GOLGA5: variants seen among roughly 807,000 people sequenced by gnomAD.
GOLGA5 encodes golgin A5.
A neutral mutation model predicts 93.5 loss-of-function variants in GOLGA5; 50 were observed. The ratio of observed to expected loss-of-function variants is 0.53; its 90% CI spans 0.43 to 0.68. GOLGA5 has a LOEUF of 0.68. Among genes scored for constraint, GOLGA5 ranks in the 30% least tolerant of loss-of-function variants. The probability of loss-of-function intolerance (pLI) is 0.00; values close to 1 mark genes in which losing one functional copy is unlikely to be tolerated. For missense variants in GOLGA5, 760 were observed against 856.4 expected (o/e 0.89, Z 1.40); for synonymous variants, 312 against 304.5 (o/e 1.02, Z -0.26).
chr14:92,798,407 TC>T (rs1482798639), intron 2 of GOLGA5, among the ~76,000 whole-genome samples: 2 of 152,028 alleles, frequency 1.3e-5, no homozygotes, highest in Non-Finnish European at 1.5e-5. Context: ...TGTGTGTTTT[TC>T]CCCCCACATC....
At chr14:92,801,575 C>G (rs1188563451) in intron 2 of GOLGA5, among the ~76,000 whole-genome samples, 2 of 152,004 alleles carry the variant, frequency 1.3e-5, no homozygotes, top group African/African-American at 4.8e-5. Context: ...TTTTCCCCTC[C>G]CCTCTGTCTA....
chr14:92,816,074 A>G (rs1167312918), intron 6 of GOLGA5, among the ~76,000 whole-genome samples, 177 bp from the exon 7 acceptor site: 1 of 152,214 alleles, frequency 6.6e-6, no homozygotes, highest in East Asian at 1.9e-4. Context: ...GTCCAAGGAC[A>G]TTATACAGCA....
chr14:92,816,413 G>A lies in GOLGA5; in HGVS notation c.1483G>A (p.Glu495Lys), dbSNP rs574595272. ...LMGQIHQLRSELQDMEAQQVN... is the reference protein window; with the variant it reads ...LMGQIHQLRSKLQDMEAQQVN... Reference sequence around the variant, plus strand: ...GGGCCAGATACATCAGCTCAGATCCGAATTACAGGTAAGATTCATGGTGGT... The same window carrying A: ...GGGCCAGATACATCAGCTCAGATCCAAATTACAGGTAAGATTCATGGTGGT... The change falls in exon 7 of 13, where the codon GAA (glutamate) becomes AAA (lysine). Residue 495 changes from glutamate (E) to lysine (K), a missense_variant. Physicochemically the swap from Glu to Lys is moderately conservative, Grantham distance 56 (BLOSUM62 1). Transcript: ENST00000163416. 1.6e-5 allele frequency: 26 copies of A among 1,613,502 alleles called. No individual in the cohort carries two copies. Among genetic ancestry groups the A allele is most frequent in the South Asian group, 3.3e-5 (3 of 91,028 alleles).
chr14:92,800,199 A>G (rs981531992), intron 2 of GOLGA5, among the ~76,000 whole-genome samples: 8 of 152,368 alleles, frequency 5.3e-5, no homozygotes, highest in Non-Finnish European at 8.8e-5. Flanking sequence ...ACATGTAAAC[A>G]GATAATTTAC....
At chr14:92,830,512 C>G (rs113335825) in intron 9 of GOLGA5, among the ~76,000 whole-genome samples, 77 of 152,056 alleles carry the variant, frequency 5.1e-4, no homozygotes, top group African/African-American at 1.8e-3. Flanking sequence ...GATTAGACAT[C>G]CCTGATTTAA....
intron 6 of GOLGA5, among the ~76,000 whole-genome samples, chr14:92,813,096 T>C (rs962821251): frequency 7.2e-5 from 11 of 152,234 alleles, no homozygotes; most frequent in Non-Finnish European, 1.6e-4. Flanking sequence ...ACCTTTTTTC[T>C]TTAGTCTCAA....
chr14:92,828,674 ATTT>A (rs1885468090), intron 9 of GOLGA5, among the ~76,000 whole-genome samples: 1 of 152,060 alleles, frequency 6.6e-6, no homozygotes, highest in Non-Finnish European at 1.5e-5. Context: ...TAATTTATTT[ATTT>A]TTATTTTTTG....
Position 92,811,516 on chromosome 14 carries a change from G to T in GOLGA5, c.1117-35G>T, listed in dbSNP as rs370258336. 7.8e-6 allele frequency: 10 copies of T among 1,278,238 alleles called. No individual in the cohort carries two copies. In the African/African-American group the frequency reaches 1.2e-4, roughly 15 times the overall value. 79.2% of individuals were successfully genotyped at this position (1,278,238 alleles called of 1,614,324 possible). On this transcript the variant is annotated intron_variant, in intron 5 of 12. Coordinates refer to ENST00000163416, the MANE Select transcript of GOLGA5 (RefSeq NM_005113.4). ...TGTAAAATATGTTTCAAAGCTAAATGATATCATTAATTATGATATAAAAAT... is the reference window on the plus strand; with the variant it reads ...TGTAAAATATGTTTCAAAGCTAAATTATATCATTAATTATGATATAAAAAT...
chr14:92,815,548 C>T (rs117234965), intron 6 of GOLGA5, among the ~76,000 whole-genome samples: 6,803 of 152,080 alleles, frequency 0.045, 216 homozygotes, highest in Non-Finnish European at 0.064. Context: ...TGAGAAAAGT[C>T]TTGTTTGGCC....
At chr14:92,798,066 G>A in intron 2 of GOLGA5, 85 bp downstream of exon 2, 1 of 903,850 alleles carries the variant, frequency 1.1e-6, no homozygotes, top group Non-Finnish European at 1.7e-6. Context: ...CTCATCTACT[G>A]TTATGGAATC....
At chr14:92,816,994 G>A (rs1885224069) in intron 7 of GOLGA5, among the ~76,000 whole-genome samples, 1 of 151,450 alleles carries the variant, frequency 6.6e-6, no homozygotes, top group South Asian at 2.1e-4. Context: ...GGAGTGCAGT[G>A]GCGTGATCTC....
chr14:92,833,023 A>T (rs1230580968), intron 9 of GOLGA5, 99 bp from the exon 10 acceptor site: 1 of 739,174 alleles, frequency 1.4e-6, no homozygotes, highest in African/African-American at 1.7e-5. Flanking sequence ...TGAGAAATCA[A>T]TGAATGCCAC....
intron 6 of GOLGA5, 54 bp from the exon 7 acceptor site, chr14:92,816,197 C>G: frequency 8.5e-7 from 1 of 1,179,834 alleles, no homozygotes; most frequent in Non-Finnish European, 1.2e-6. Context: ...AGATGATATT[C>G]AATATACAAA....
intron 2 of GOLGA5, among the ~76,000 whole-genome samples, chr14:92,805,894 A>G (rs1277366111): frequency 1.3e-5 from 2 of 151,364 alleles, no homozygotes; most frequent in Non-Finnish European, 2.9e-5. Context: ...GTATACTTGC[A>G]TTATATTTAG....
intron 8 of GOLGA5, among the ~76,000 whole-genome samples, chr14:92,824,186 TA>T (rs1178300882): frequency 6.6e-6 from 1 of 152,204 alleles, no homozygotes; most frequent in Non-Finnish European, 1.5e-5. Context: ...ATTTTATGAA[TA>T]TTTTTTCCAG....
intron 2 of GOLGA5, among the ~76,000 whole-genome samples, chr14:92,799,313 G>C (rs1424014376): frequency 7.5e-6 from 1 of 133,448 alleles, no homozygotes; most frequent in African/African-American, 3.0e-5. Context: ...GTCTCACTCT[G>C]TCACCCAGGC....
chr14:92,797,124 T>C (rs956900590), intron 1 of GOLGA5, among the ~76,000 whole-genome samples: 1 of 151,614 alleles, frequency 6.6e-6, no homozygotes, highest in African/African-American at 2.4e-5. Context: ...ATAATGGTAA[T>C]AGCAGCCACT....
At chr14:92,812,213 C>G (rs1009898745) in intron 6 of GOLGA5, among the ~76,000 whole-genome samples, 4 of 152,156 alleles carry the variant, frequency 2.6e-5, no homozygotes, top group Non-Finnish European at 5.9e-5. Context: ...AATTCTCTTT[C>G]CTTTGTCCCT....
intron 2 of GOLGA5, among the ~76,000 whole-genome samples, chr14:92,805,553 A>T (rs1272842134): frequency 1.3e-5 from 2 of 152,184 alleles, no homozygotes; most frequent in Non-Finnish European, 2.9e-5. Flanking sequence ...GTTTAATTTC[A>T]TAAGAAATTG....
Sources: allele counts gnomAD v4.1 joint callset (sites outside exome capture counted in the v4.1 genomes callset), GRCh38; gene constraint gnomAD v4.1.1; transcripts MANE v1.5; gene names NCBI Gene and HGNC (gene_info 2026-07-23, HGNC 2026-07-21).